CAST: variants seen among roughly 807,000 people sequenced by gnomAD.
CAST encodes calpastatin.
In CAST, 76 loss-of-function variants were observed where a neutral mutation model predicts 119.6. The ratio of observed to expected loss-of-function variants is 0.64; its 90% confidence interval spans 0.53 to 0.77. CAST has a LOEUF of 0.77. Ranked by LOEUF, CAST falls within the 30% of genes least tolerant of loss-of-function variation. The probability of loss-of-function intolerance (pLI) is 0.00; values close to 1 mark genes in which losing one functional copy is unlikely to be tolerated. For missense variants in CAST, 953 were observed against 946.5 expected, an observed-to-expected ratio of 1.01 and a Z score of -0.09; for synonymous variants, 319 against 331.6, an observed-to-expected ratio of 0.96 and a Z score of 0.41.
chr5:96,752,562 ATTTTTTTTTTTTTT>A (rs869108023), intron 20 of CAST, among the ~76,000 whole-genome samples: 5 of 16,126 alleles, frequency 3.1e-4, no homozygotes, highest in Non-Finnish European at 4.5e-4. Context: ...AACCTCAGGG[ATTTTTTTTTTTTTT>A]TTTTTTTTTT....
At chr5:96,566,684 G>A (rs1746474832) in intron 1 of CAST, among the ~76,000 whole-genome samples, 1 of 152,162 alleles carries the variant, frequency 6.6e-6, no homozygotes, top group African/African-American at 2.4e-5. Context: ...ACTAAAGGAG[G>A]GGTGAGATAG....
chr5:95,992,495 T>G, the CAST span, among the ~76,000 whole-genome samples: 1 of 150,356 alleles, frequency 6.7e-6, no homozygotes, highest in Non-Finnish European at 1.5e-5. Flanking sequence ...TTGCACAAAA[T>G]ACGTGATCAA....
chr5:96,231,135 A>G, the CAST span, among the ~76,000 whole-genome samples: 539 of 152,272 alleles, frequency 3.5e-3, 2 homozygotes, highest in African/African-American at 0.012. Context: ...TCTAGAATAT[A>G]CACCCAAGAG....
chr5:95,978,207 C>T, the CAST span, among the ~76,000 whole-genome samples: 1 of 152,134 alleles, frequency 6.6e-6, no homozygotes, highest in Non-Finnish European at 1.5e-5. Flanking sequence ...GTTTCTAGCT[C>T]TTTGAGGAAT....
chr5:96,525,859 T>C (rs1745590377), upstream of CAST, among the ~76,000 whole-genome samples: 1 of 152,218 alleles, frequency 6.6e-6, no homozygotes, highest in Admixed American at 6.5e-5. Context: ...ATAAACCTAA[T>C]TGTCAACATG....
chr5:96,392,398 A>G, the CAST span: 2 of 153,568 alleles, frequency 1.3e-5, no homozygotes, highest in African/African-American at 4.8e-5. Flanking sequence ...GAGCATTCAG[A>G]TTTCAAGATC....
At chr5:96,157,048 A>G in the CAST span, among the ~76,000 whole-genome samples, 1 of 152,270 alleles carries the variant, frequency 6.6e-6, no homozygotes, top group East Asian at 1.9e-4. Context: ...TGTATTTTGA[A>G]TTGTTTTTTA....
chr5:96,620,198 A>G (rs570783379), intron 1 of CAST, among the ~76,000 whole-genome samples: 75 of 152,230 alleles, frequency 4.9e-4, no homozygotes, highest in African/African-American at 1.8e-3. Context: ...GTAGGGCGAC[A>G]ATCATATGCC....
chr5:96,065,188 CT>C, the CAST span, among the ~76,000 whole-genome samples: 1,550 of 146,616 alleles, frequency 0.011, 31 homozygotes, highest in African/African-American at 0.035. Context: ...AAGTCTTTGG[CT>C]TTTTTTTTTA....
In CAST at chr5:96,616,744, C is replaced by A. The variant is rs369603282; in HGVS notation, c.61-58795C>A. Among the ~76,000 whole-genome samples the A allele has an allele frequency of 9.9e-3, 1,214 of 123,040 alleles. 13 individuals are homozygous for A. The highest frequency in any genetic ancestry group is 0.02 in the African/African-American group (537 of 27,504). 80.7% of individuals were successfully genotyped at this position (123,040 alleles called of 152,430 possible). On this transcript the variant is annotated intron_variant, in intron 1 of 11. Transcript: ENST00000505143. ...GCGCTCGCTCGCTCTCTCTCTCTCT[C>A]TATATATATACACACACACACACAC...
the CAST span, among the ~76,000 whole-genome samples, chr5:96,457,025 T>A: frequency 6.6e-6 from 1 of 152,192 alleles, no homozygotes; most frequent in Non-Finnish European, 1.5e-5. Context: ...GTCAGTTAAA[T>A]CTCTTTCCTT....
At chr5:96,667,900 A>G (rs1215315666) in intron 1 of CAST, among the ~76,000 whole-genome samples, 4 of 152,236 alleles carry the variant, frequency 2.6e-5, no homozygotes, top group Non-Finnish European at 4.4e-5. Flanking sequence ...CTGTAATTCC[A>G]GCTACTCAGG....
At chr5:96,494,654 G>C in the CAST span, among the ~76,000 whole-genome samples, 1 of 152,142 alleles carries the variant, frequency 6.6e-6, no homozygotes, top group African/African-American at 2.4e-5. Context: ...ATAGAAGAGC[G>C]ATTCTTCAGG....
At chr5:96,378,281 A>G in the CAST span, among the ~76,000 whole-genome samples, 2 of 152,120 alleles carry the variant, frequency 1.3e-5, no homozygotes, top group African/African-American at 2.4e-5. Flanking sequence ...AACAAATACC[A>G]TATTGTATAC....
At chr5:96,467,388 TAGAA>T in the CAST span, among the ~76,000 whole-genome samples, 1 of 152,106 alleles carries the variant, frequency 6.6e-6, no homozygotes, top group African/African-American at 2.4e-5. Context: ...TTGAATAAGT[TAGAA>T]AGACTTCCCC....
chr5:96,082,523 G>C, the CAST span, among the ~76,000 whole-genome samples: 1 of 152,146 alleles, frequency 6.6e-6, no homozygotes, highest in Non-Finnish European at 1.5e-5. Flanking sequence ...TTCTCTTACT[G>C]TCTAAACTAT....
chr5:95,977,236 T>C, the CAST span, among the ~76,000 whole-genome samples: 1 of 152,210 alleles, frequency 6.6e-6, no homozygotes, highest in Non-Finnish European at 1.5e-5. Flanking sequence ...CACTGGCAGA[T>C]TCAGTGTTTG....
At chr5:96,637,900 A>C (rs974255614) in intron 1 of CAST, among the ~76,000 whole-genome samples, 5 of 152,330 alleles carry the variant, frequency 3.3e-5, no homozygotes, top group Admixed American at 3.3e-4. Context: ...TGCAAGAAGA[A>C]GTGTGACTGG....
the CAST span, among the ~76,000 whole-genome samples, chr5:96,222,516 A>G: frequency 6.6e-6 from 1 of 152,218 alleles, no homozygotes; most frequent in Non-Finnish European, 1.5e-5. Flanking sequence ...CAAAATGCTC[A>G]ACATCCCTAA....
Sources: gnomAD v4.1 joint callset for allele counts (sites outside exome capture counted in the v4.1 genomes callset) on GRCh38, gnomAD v4.1.1 for gene constraint, MANE v1.5 for transcripts, NCBI Gene and HGNC (gene_info 2026-07-23, HGNC 2026-07-21) for gene names.